Variants in NELL1 observed in about 807,000 individuals in gnomAD.
NELL1 encodes the protein neural EGFL like 1.
Under a neutral mutation model 107.4 loss-of-function variants are expected in NELL1, and 76 were observed. The observed-to-expected ratio is 0.71, with a 90% CI of 0.59 to 0.86. The LOEUF is 0.86. Among genes scored for constraint, NELL1 ranks in the 40% least tolerant of loss-of-function variants. The pLI, the probability that NELL1 is intolerant of heterozygous loss-of-function variation, is 0.00. For missense variants in NELL1, 1,024 were observed against 1,005.5 expected (o/e 1.02, Z -0.25); for synonymous variants, 353 against 341.2 (o/e 1.03, Z -0.38).
chr11:21,311,295 G>A (rs779563323), intron 14 of NELL1, among the ~76,000 whole-genome samples: 5 of 152,032 alleles, frequency 3.3e-5, no homozygotes, highest in East Asian at 1.9e-4. Flanking sequence ...TCTTTAAGGC[G>A]ATTATTTTGT....
intron 4 of NELL1, among the ~76,000 whole-genome samples, chr11:20,871,085 C>T (rs548425730): frequency 2.4e-4 from 36 of 152,298 alleles, no homozygotes; most frequent in African/African-American, 8.4e-4. Flanking sequence ...ACCTTCTTCA[C>T]TTTTTGTTTT....
At chr11:21,179,887 T>TTTTC (rs1856793062) in intron 13 of NELL1, among the ~76,000 whole-genome samples, 1 of 142,448 alleles carries the variant, frequency 7.0e-6, no homozygotes, top group Non-Finnish European at 1.5e-5. Flanking sequence ...TTTTTTTTTT[T>TTTTC]GTAAAGGTCT....
chr11:21,498,725 T>G (rs1855054612), intron 15 of NELL1, among the ~76,000 whole-genome samples: 1 of 152,068 alleles, frequency 6.6e-6, no homozygotes. Context: ...TTATTAGATA[T>G]CAAAAAATTA....
intron 13 of NELL1, among the ~76,000 whole-genome samples, chr11:21,135,225 A>T (rs1159247093): frequency 6.6e-6 from 1 of 152,220 alleles, no homozygotes; most frequent in Non-Finnish European, 1.5e-5. Flanking sequence ...TATAGCTTTT[A>T]TGACAGCATC....
Position 21,272,893 on chromosome 11 carries a change from A to C in NELL1, c.1549+43439A>C, listed in dbSNP as rs567645880. ...AACAGAAAGGACATCCACACCAAAA[A>C]CCCATCTGTACGTCACCATCATCAA... On this transcript the variant is annotated intron_variant, in intron 14 of 19. Transcript: ENST00000357134. 3.3e-5 allele frequency among the ~76,000 whole-genome samples: 5 copies of C among 152,242 alleles called. No individual in the cohort carries two copies. In the South Asian group the frequency reaches 8.3e-4, roughly 25 times the overall value.
intron 10 of NELL1, among the ~76,000 whole-genome samples, chr11:20,938,982 C>T (rs1850790875): frequency 6.6e-6 from 1 of 151,484 alleles, no homozygotes; most frequent in South Asian, 2.1e-4. Flanking sequence ...GTGTGTATGT[C>T]ACGAGCAGCT....
intron 15 of NELL1, among the ~76,000 whole-genome samples, chr11:21,482,652 C>T (rs748470835): frequency 9.9e-5 from 15 of 151,590 alleles, no homozygotes; most frequent in Non-Finnish European, 1.9e-4. Flanking sequence ...CTTCTGTTTA[C>T]TAGACACTGA....
At chr11:20,720,698 T>G (rs1855360509) in intron 2 of NELL1, among the ~76,000 whole-genome samples, 5 of 152,166 alleles carry the variant, frequency 3.3e-5, no homozygotes. Flanking sequence ...TCTCCCTGGC[T>G]TGTAGATGGC....
intron 12 of NELL1, among the ~76,000 whole-genome samples, chr11:21,081,062 G>C (rs987462385): frequency 2.0e-5 from 3 of 151,822 alleles, no homozygotes; most frequent in African/African-American, 7.3e-5. Flanking sequence ...TCTGTAGATT[G>C]TTGTCAATTC....
Position 20,819,057 on chromosome 11 carries a change from C to T in NELL1, c.336-28526C>T, listed in dbSNP as rs115526067. Reference sequence around the variant, plus strand: ...AGTCAAACCCAGGTATCTGGCTCCTCAGCACATTTTCTTAAACAGTATATT... The same window carrying T: ...AGTCAAACCCAGGTATCTGGCTCCTTAGCACATTTTCTTAAACAGTATATT... On this transcript the variant is annotated intron_variant, in intron 3 of 19. Transcript: ENST00000357134. Among the ~76,000 whole-genome samples, 176 of 152,306 alleles carry T rather than the reference C, an allele frequency of 1.2e-3. 1 individual carries two copies. The highest frequency in any genetic ancestry group is 4.2e-3 in the African/African-American group (173 of 41,568).
intron 4 of NELL1, among the ~76,000 whole-genome samples, chr11:20,857,963 C>T (rs1377438354): frequency 2.0e-5 from 3 of 152,322 alleles, no homozygotes; most frequent in Admixed American, 2.0e-4. Context: ...TTAGTAACTG[C>T]ATATGCTGCC....
chr11:20,680,473 G>A (rs1854163586), intron 2 of NELL1, among the ~76,000 whole-genome samples: 1 of 152,050 alleles, frequency 6.6e-6, no homozygotes, highest in Non-Finnish European at 1.5e-5. Context: ...TCCATTTTGG[G>A]GGAAAAATTT....
At chr11:20,780,253 G>A (rs970441760) in intron 2 of NELL1, among the ~76,000 whole-genome samples, 1 of 152,188 alleles carries the variant, frequency 6.6e-6, no homozygotes, top group Non-Finnish European at 1.5e-5. Context: ...ACTGTTAAGT[G>A]GGGGTGTCCT....
At chr11:21,225,074 G>T (rs901443753) in intron 13 of NELL1, among the ~76,000 whole-genome samples, 1 of 152,090 alleles carries the variant, frequency 6.6e-6, no homozygotes, top group African/African-American at 2.4e-5. Flanking sequence ...TATGGTAATG[G>T]TATCATTTCT....
At chr11:21,019,774 G>A (rs940197585) in intron 12 of NELL1, among the ~76,000 whole-genome samples, 9 of 151,996 alleles carry the variant, frequency 5.9e-5, no homozygotes, top group Non-Finnish European at 1.0e-4. Flanking sequence ...GGCCAAGCAG[G>A]ATGAGCTGCA....
intron 14 of NELL1, among the ~76,000 whole-genome samples, chr11:21,287,950 C>T (rs1019291692): frequency 9.9e-5 from 15 of 150,960 alleles, no homozygotes; most frequent in African/African-American, 3.4e-4. Flanking sequence ...TAGGGACAGG[C>T]TCTTAGTTCA....
intron 13 of NELL1, among the ~76,000 whole-genome samples, chr11:21,194,661 A>T (rs1054387869): frequency 1.8e-4 from 27 of 152,148 alleles, no homozygotes; most frequent in African/African-American, 6.3e-4. Context: ...CCTAAGCAAG[A>T]CCTACCGAAT....
At chr11:20,735,521 C>A (rs11025732) in intron 2 of NELL1, among the ~76,000 whole-genome samples, 18,198 of 152,058 alleles carry the variant, frequency 0.12, 1,182 homozygotes, top group Non-Finnish European at 0.15. Flanking sequence ...GGTAACTGCC[C>A]GCATGATTAA....
At chr11:20,937,389 G>A (rs1850748977) in intron 9 of NELL1, among the ~76,000 whole-genome samples, 1 of 152,216 alleles carries the variant, frequency 6.6e-6, no homozygotes, top group Non-Finnish European at 1.5e-5. Context: ...TCTGAGGAAT[G>A]GAATATATGT....
Sources: gnomAD v4.1 joint callset for allele counts (sites outside exome capture counted in the v4.1 genomes callset) on GRCh38, gnomAD v4.1.1 for gene constraint, MANE v1.5 for transcripts, NCBI Gene and HGNC (gene_info 2026-07-23, HGNC 2026-07-21) for gene names.